The following SLC15A4 variants were observed in gnomAD, a reference collection of about 807,000 sequenced individuals.
SLC15A4 encodes the protein hPHT1.
In SLC15A4, 26 loss-of-function variants were observed where a neutral mutation model predicts 46.1. That is an observed-to-expected ratio of 0.56 (90% CI 0.41 to 0.78). The LOEUF (loss-of-function observed/expected upper bound fraction) is 0.78. SLC15A4 is among the 30% of genes least tolerant of loss of function. The pLI, the probability that SLC15A4 is intolerant of heterozygous loss-of-function variation, is 0.00. For synonymous variants in SLC15A4, 370 were observed against 333.4 expected (o/e 1.11, Z -1.20); for missense variants, 751 against 755.7 (o/e 0.99, Z 0.07).
intron 6 of SLC15A4, among the ~76,000 whole-genome samples, chr12:128,799,966 C>T (rs1273746090): frequency 3.3e-5 from 5 of 152,048 alleles, no homozygotes; most frequent in Non-Finnish European, 7.4e-5. Flanking sequence ...CTCAGCCTCC[C>T]GAGTAGCTGG....
At position 128,794,058 on chromosome 12, in the gene SLC15A4, A is replaced by G; in HGVS notation, c.*138T>C. 1.1e-6 allele frequency: 1 copy of G among 893,686 alleles called. No homozygotes were observed. The highest frequency in any genetic ancestry group is 2.5e-5 in the East Asian group (1 of 39,254). The allele number at this position is 893,686 out of a possible 1,614,324, so 55.4% of individuals were successfully genotyped here. A position where few individuals can be genotyped will look rare whatever the true frequency, so the allele number is the denominator to read the frequency against. ...CAAGCTCCTTTGGATAGAGGGAAAG[A>G]AGAAATCAATCCAGGCAACATGCAA... On this transcript the variant is annotated 3_prime_UTR_variant, in exon 8 of 8. Coordinates refer to ENST00000266771, the MANE Select transcript of SLC15A4 (RefSeq NM_145648.4).
intron 4 of SLC15A4, 135 bp from the exon 5 acceptor site, chr12:128,809,091 G>C: frequency 1.3e-6 from 1 of 798,246 alleles, no homozygotes; most frequent in Non-Finnish European, 2.0e-6. Context: ...CTTCAGTTTA[G>C]AGACAACGGA....
Position 128,799,159 on chromosome 12 carries a change from C to T in SLC15A4, c.1573+100G>A, listed in dbSNP as rs113885658. The stretch of plus-strand genomic sequence containing the variant: ...GGTGGACAGGCAGCTCGGGACAGGC[C>T]ATCCACGTGAAAACACCTCCGCTCA... On this transcript the variant is annotated intron_variant, in intron 7 of 7. Transcript: ENST00000266771. 839 of 1,343,316 alleles carry T rather than the reference C, an allele frequency of 6.2e-4. 3 individuals carry two copies. The African/African-American group carries it at 0.01, about 17-fold the overall frequency. 83.2% of individuals were successfully genotyped at this position (1,343,316 alleles called of 1,614,324 possible).
intron 5 of SLC15A4, among the ~76,000 whole-genome samples, chr12:128,806,513 CAA>C (rs754606382): frequency 6.6e-6 from 1 of 152,174 alleles, no homozygotes; most frequent in Non-Finnish European, 1.5e-5. Flanking sequence ...AATCTCTACT[CAA>C]AGACCATTAA....
At chr12:128,816,170 G>C (rs551885250) in intron 1 of SLC15A4, among the ~76,000 whole-genome samples, 3 of 152,290 alleles carry the variant, frequency 2.0e-5, no homozygotes, top group East Asian at 3.9e-4. Context: ...GGCTTATGGA[G>C]TTCACGAGGC....
At chr12:128,810,321 T>C in intron 2 of SLC15A4, 1 of 527,044 alleles carries the variant, frequency 1.9e-6, no homozygotes, top group East Asian at 3.4e-5. Flanking sequence ...ACAAAGGGAC[T>C]TTCTAGTCAA....
chr12:128,808,676 C>T, intron 5 of SLC15A4, 112 bp downstream of exon 5: 2 of 978,098 alleles, frequency 2.0e-6, no homozygotes, highest in Admixed American at 2.4e-5. Context: ...TCCTCTTTTA[C>T]AGACATGCAC....
chr12:128,821,715 G>T (rs1955841591), intron 1 of SLC15A4, among the ~76,000 whole-genome samples: 1 of 151,834 alleles, frequency 6.6e-6, no homozygotes, highest in Non-Finnish European at 1.5e-5. Context: ...GTGAAACCCC[G>T]TCTCTACTAG....
At chr12:128,821,837 G>A (rs897058719) in intron 1 of SLC15A4, among the ~76,000 whole-genome samples, 1 of 148,326 alleles carries the variant, frequency 6.7e-6, no homozygotes, top group Non-Finnish European at 1.5e-5. Context: ...AGTGAGCTGA[G>A]ATCGCGCCAC....
intron 6 of SLC15A4, among the ~76,000 whole-genome samples, chr12:128,799,724 C>T (rs546403997): frequency 6.6e-6 from 1 of 152,172 alleles, no homozygotes; most frequent in Non-Finnish European, 1.5e-5. Flanking sequence ...CTTTTGTGTT[C>T]CTTAAAGAGA....
intron 7 of SLC15A4, among the ~76,000 whole-genome samples, chr12:128,795,576 G>T (rs1955434002): frequency 2.0e-5 from 3 of 152,210 alleles, no homozygotes; most frequent in South Asian, 2.1e-4. Flanking sequence ...CGCGGTGAGG[G>T]TGCTAGCAAC....
At chr12:128,820,589 G>C (rs1447186682) in intron 1 of SLC15A4, among the ~76,000 whole-genome samples, 2 of 152,190 alleles carry the variant, frequency 1.3e-5, no homozygotes, top group African/African-American at 4.8e-5. Context: ...GTAACTTTGG[G>C]CCAATGATTA....
rs772830965 is a variant in SLC15A4, at chr12:128,799,431, A to T, written c.1415-14T>A. 1 of 1,613,462 alleles carries T rather than the reference A, an allele frequency of 6.2e-7. No individual in the cohort carries two copies. Among genetic ancestry groups the T allele is most frequent in the South Asian group, 1.1e-5 (1 of 91,064 alleles). On this transcript the variant is annotated splice_polypyrimidine_tract_variant and intron_variant, in intron 6 of 7. Transcript: ENST00000266771. ...CAAATTCCAGGCCTGAGGAAAGAAA[A>T]GGGAGGGTCGTTTTTGTGAAAGGGG...
rs1421241421 is a variant in SLC15A4, at chr12:128,823,891, C to T, written c.53G>A (p.Arg18Gln). The T allele has an allele frequency of 5.3e-6, 5 of 944,476 alleles. No individual in the cohort carries two copies. The highest frequency in any genetic ancestry group is 6.3e-6 in the Non-Finnish European group (5 of 795,216). 58.5% of individuals were successfully genotyped at this position (944,476 alleles called of 1,614,324 possible). ...AGERAPLLGA[R>Q]RAAAAAAAAG... The stretch of plus-strand genomic sequence containing the variant: ...CGCCGCCGCGGCCGCCGCCGCCCGC[C>T]GCGCGCCCAGCAGCGGCGCCCGCTC... The change falls in exon 1 of 8, where the codon CGG becomes CAG. Residue 18 changes from arginine to glutamine, a missense_variant. Transcript: ENST00000266771.
At chr12:128,809,907 A>G (rs752754720) in intron 3 of SLC15A4, 36 bp downstream of exon 3, 62 of 1,596,356 alleles carry the variant, frequency 3.9e-5, no homozygotes, top group Non-Finnish European at 5.2e-5. Context: ...CTTCATAGGA[A>G]GATAAAGGAA....
chr12:128,808,713 C>T (rs963698367), intron 5 of SLC15A4, 75 bp downstream of exon 5: 8 of 1,492,432 alleles, frequency 5.4e-6, no homozygotes, highest in East Asian at 2.4e-5. Context: ...GGCACGACTG[C>T]GTGTGAGCAC....
chr12:128,794,104 T>C lies in SLC15A4; in HGVS notation c.*92A>G. On this transcript the variant is annotated 3_prime_UTR_variant, in exon 8 of 8. Transcript: ENST00000266771. ...TGCAAGTTTCAGTGAAGTCAGACATTTTATGGGAATTTAAAGTCTTGCCTG... is the reference window on the plus strand; with the variant it reads ...TGCAAGTTTCAGTGAAGTCAGACATCTTATGGGAATTTAAAGTCTTGCCTG... 8.2e-7 allele frequency: 1 copy of C among 1,219,900 alleles called. No homozygotes were observed. Among genetic ancestry groups the C allele is most frequent in the Non-Finnish European group, 1.1e-6 (1 of 874,310 alleles). The allele number at this position is 1,219,900 out of a possible 1,614,324, so 75.6% of individuals were successfully genotyped here.
chr12:128,799,134 G>A (rs971319395), intron 7 of SLC15A4, 125 bp downstream of exon 7: 18 of 963,636 alleles, frequency 1.9e-5, no homozygotes, highest in Admixed American at 6.1e-5. Context: ...TGGAAGGAGC[G>A]GTGGACAGGC....
intron 2 of SLC15A4, chr12:128,813,845 C>T (rs1955700183): frequency 1.3e-5 from 2 of 152,326 alleles, no homozygotes; most frequent in African/African-American, 2.4e-5. Context: ...GGTGGTTACA[C>T]AACCTGAGTA....
Sources: allele counts gnomAD v4.1 joint callset (sites outside exome capture counted in the v4.1 genomes callset), GRCh38; gene constraint gnomAD v4.1.1; transcripts MANE v1.5; gene names NCBI Gene and HGNC (gene_info 2026-07-23, HGNC 2026-07-21).